Variants in KDM4C observed in about 807,000 individuals in gnomAD.
KDM4C encodes the protein lysine-specific demethylase 4C.
KDM4C carries 81 observed loss-of-function variants against 129.3 expected under a neutral mutation model. The observed-to-expected ratio is 0.63, with a 90% CI of 0.52 to 0.75. The LOEUF (loss-of-function observed/expected upper bound fraction) is 0.75, where lower values mean the gene tolerates loss of function less well. Ranked by LOEUF, KDM4C falls within the 30% of genes least tolerant of loss-of-function variation. The pLI, the probability that KDM4C is intolerant of heterozygous loss-of-function variation, is 0.00. For synonymous variants in KDM4C, 573 were observed against 456.1 expected (o/e 1.26, Z -3.26); for missense variants, 1,457 against 1,304.0 (o/e 1.12, Z -1.81).
intron 12 of KDM4C, among the ~76,000 whole-genome samples, chr9:6,991,892 A>T (rs181785891): frequency 2.0e-5 from 3 of 152,268 alleles, no homozygotes; most frequent in African/African-American, 7.2e-5. Flanking sequence ...AAATATCATG[A>T]ATGTAGGGAT....
At chr9:6,977,708 G>A (rs1176941103) in intron 8 of KDM4C, among the ~76,000 whole-genome samples, 4 of 152,074 alleles carry the variant, frequency 2.6e-5, no homozygotes, top group Admixed American at 6.5e-5. Flanking sequence ...TAGATGTGAA[G>A]CCATGGAGTT....
intron 1 of KDM4C, among the ~76,000 whole-genome samples, chr9:6,751,450 T>TTAATAA (rs57845144): frequency 6.6e-6 from 1 of 151,692 alleles, no homozygotes; most frequent in Admixed American, 6.6e-5. Context: ...TGTCTTAAAA[T>TTAATAA]TAATAATAAT....
chr9:6,852,061 C>G (rs1014993399), intron 5 of KDM4C, among the ~76,000 whole-genome samples: 63 of 152,178 alleles, frequency 4.1e-4, no homozygotes, highest in African/African-American at 1.5e-3. Context: ...AACACTGATT[C>G]TACATACTAT....
At chr9:6,722,247 C>T (rs1816979391) in intron 1 of KDM4C, among the ~76,000 whole-genome samples, 1 of 152,120 alleles carries the variant, frequency 6.6e-6, no homozygotes, top group Non-Finnish European at 1.5e-5. Context: ...AGTGCATGTT[C>T]TTGCCTAAGC....
rs760659489 is a variant in KDM4C, at chr9:7,011,890, C to T, written c.1968+11C>T. ...ATGCCGTACCACAAGGTAAAGGAGC[C>T]TGCTATCATAGTTCCCTTCACTGCT... On this transcript the variant is annotated intron_variant, in intron 13 of 21. Transcript: ENST00000381309. The T allele has an allele frequency of 2.5e-6, 4 of 1,609,202 alleles. No homozygotes were observed. The highest frequency in any genetic ancestry group is 3.4e-6 in the Non-Finnish European group (4 of 1,176,738).
rs1158199897 is a variant in KDM4C at position 6,944,652 on chromosome 9, G to GTTTTTTTTTTTTTTTTTTT, written c.922-36269_922-36251dup. Among the ~76,000 whole-genome samples the GTTTTTTTTTTTTTTTTTTT allele has an allele frequency of 5.7e-4, 46 of 80,992 alleles. 5 individuals carry two copies. The highest frequency in any genetic ancestry group is 7.1e-4 in the Non-Finnish European group (32 of 44,876). 53.1% of individuals were successfully genotyped at this position (80,992 alleles called of 152,430 possible). On this transcript the variant is annotated intron_variant, in intron 8 of 21. Coordinates refer to ENST00000381309, the MANE Select transcript of KDM4C (RefSeq NM_015061.6). The stretch of plus-strand genomic sequence containing the variant: ...CAACACACTTTTTGTCAAGGTAGAG[G>GTTTTTTTTTTTTTTTTTTT]TTTTTTTTTTTTTTTTTTTTTTGCC...
chr9:6,944,999 A>G (rs1826684457), intron 8 of KDM4C, among the ~76,000 whole-genome samples: 1 of 152,114 alleles, frequency 6.6e-6, no homozygotes, highest in Admixed American at 6.6e-5. Flanking sequence ...TTCAATGATT[A>G]TGCAGTGATC....
At chr9:7,032,778 C>T (rs980402855) in intron 15 of KDM4C, among the ~76,000 whole-genome samples, 3 of 152,154 alleles carry the variant, frequency 2.0e-5, no homozygotes, top group Non-Finnish European at 4.4e-5. Flanking sequence ...AAGGCCAAGC[C>T]ACTGACCTAA....
chr9:6,806,628 G>C (rs1830026683), intron 3 of KDM4C, among the ~76,000 whole-genome samples: 1 of 152,116 alleles, frequency 6.6e-6, no homozygotes, highest in South Asian at 2.1e-4. Flanking sequence ...TGAGGTTGCA[G>C]TTAGCATGTT....
At chr9:7,067,941 G>T (rs1360573911) in intron 17 of KDM4C, among the ~76,000 whole-genome samples, 1 of 151,944 alleles carries the variant, frequency 6.6e-6, no homozygotes, top group Non-Finnish European at 1.5e-5. Flanking sequence ...GACTACAGGC[G>T]GCCACCACCA....
intron 2 of KDM4C, among the ~76,000 whole-genome samples, chr9:6,804,584 C>G (rs1234036866): frequency 6.6e-6 from 1 of 151,640 alleles, no homozygotes; most frequent in East Asian, 1.9e-4. Context: ...ATGGTGAAAC[C>G]CTGTCTCTAC....
intron 4 of KDM4C, among the ~76,000 whole-genome samples, chr9:6,825,251 C>T (rs1833702967): frequency 6.6e-6 from 1 of 151,742 alleles, no homozygotes; most frequent in Admixed American, 6.6e-5. Context: ...ACTCTATACT[C>T]ATGAGAGTGA....
intron 1 of KDM4C, among the ~76,000 whole-genome samples, chr9:6,743,945 G>A (rs959788179): frequency 1.0e-4 from 15 of 149,502 alleles, no homozygotes; most frequent in African/African-American, 2.5e-4. Context: ...ATAAGGTCTC[G>A]CTATGCTACC....
chr9:6,839,857 C>T (rs1182020220), intron 4 of KDM4C, among the ~76,000 whole-genome samples: 2 of 151,944 alleles, frequency 1.3e-5, no homozygotes, highest in Admixed American at 6.5e-5. Context: ...GAGCAGAGAT[C>T]GCGTCACTGC....
At chr9:6,793,552 T>C (rs1280609002) in intron 2 of KDM4C, among the ~76,000 whole-genome samples, 1 of 151,466 alleles carries the variant, frequency 6.6e-6, no homozygotes, top group Admixed American at 6.6e-5. Context: ...CTTTTTTTTT[T>C]TTTTGAGACA....
chr9:7,023,593 T>A (rs1825265746), intron 15 of KDM4C, among the ~76,000 whole-genome samples: 1 of 152,102 alleles, frequency 6.6e-6, no homozygotes, highest in African/African-American at 2.4e-5. Context: ...AAACATCTTT[T>A]TGTTTTATTG....
Position 7,042,347 on chromosome 9 carries a change from C to A in KDM4C, c.2260-4515C>A. Among the ~76,000 whole-genome samples, 2 of 151,950 alleles carry A rather than the reference C, an allele frequency of 1.3e-5. 1 individual carries two copies. Among genetic ancestry groups the A allele is most frequent in the Non-Finnish European group, 2.9e-5 (2 of 67,932 alleles). On this transcript the variant is annotated intron_variant, in intron 15 of 21. Transcript: ENST00000381309. ...TCTCAGTTAAATTTGATTCATTTAG[C>A]CTGAGGTTATATTGCGTAACATAAC...
At chr9:6,858,641 C>T (rs1026968671) in intron 5 of KDM4C, among the ~76,000 whole-genome samples, 3 of 152,066 alleles carry the variant, frequency 2.0e-5, no homozygotes, top group Non-Finnish European at 4.4e-5. Flanking sequence ...GGTGTGGTGA[C>T]GTGCGCCTGT....
At chr9:6,793,538 CTTTCT>C (rs1374625206) in intron 2 of KDM4C, among the ~76,000 whole-genome samples, 1 of 149,270 alleles carries the variant, frequency 6.7e-6, no homozygotes, top group African/African-American at 2.5e-5. Flanking sequence ...TCTTTTCTTT[CTTTCT>C]TTTTTTTTTT....
Sources: allele counts gnomAD v4.1 joint callset (sites outside exome capture counted in the v4.1 genomes callset), GRCh38; gene constraint gnomAD v4.1.1; transcripts MANE v1.5; gene names NCBI Gene and HGNC (gene_info 2026-07-23, HGNC 2026-07-21).